Variants in CPQ observed in about 807,000 individuals in gnomAD.
The protein encoded by CPQ is carboxypeptidase Q, also known as Ser-Met dipeptidase.
A neutral mutation model predicts 45.7 loss-of-function variants in CPQ; 37 were observed. That is an observed-to-expected ratio of 0.81 (90% CI 0.62 to 1.07). The LOEUF (loss-of-function observed/expected upper bound fraction) is 1.07. Among genes scored for constraint, CPQ ranks in the 50% least tolerant of loss-of-function variants. The probability of loss-of-function intolerance (pLI) is 0.00; values close to 1 mark genes in which losing one functional copy is unlikely to be tolerated. For missense variants in CPQ, 537 were observed against 572.9 expected, an observed-to-expected ratio of 0.94 and a Z score of 0.64; for synonymous variants, 186 against 205.8, an observed-to-expected ratio of 0.90 and a Z score of 0.82.
chr8:97,104,520 A>C (rs1025679920), intron 7 of CPQ, among the ~76,000 whole-genome samples: 6 of 152,174 alleles, frequency 3.9e-5, no homozygotes, highest in Non-Finnish European at 8.8e-5. Context: ...AATGAACAGA[A>C]ATTCCAGACA....
At chr8:96,803,938 T>C (rs1256906008) in intron 2 of CPQ, among the ~76,000 whole-genome samples, 2 of 152,044 alleles carry the variant, frequency 1.3e-5, no homozygotes, top group African/African-American at 4.8e-5. Flanking sequence ...TGTGCCCAGG[T>C]CAAGGTGATG....
At chr8:97,082,060 G>C (rs533270576) in intron 7 of CPQ, among the ~76,000 whole-genome samples, 1 of 152,316 alleles carries the variant, frequency 6.6e-6, no homozygotes, top group Admixed American at 6.5e-5. Context: ...ACAGTACTAA[G>C]TTACAGAGGT....
chr8:96,921,669 A>G (rs1812809832), intron 4 of CPQ, among the ~76,000 whole-genome samples: 1 of 152,170 alleles, frequency 6.6e-6, no homozygotes, highest in African/African-American at 2.4e-5. Flanking sequence ...ATGATACTAT[A>G]TTGCAGCTTC....
chr8:96,751,721 G>A (rs1297539209), intron 1 of CPQ, among the ~76,000 whole-genome samples: 3 of 152,130 alleles, frequency 2.0e-5, no homozygotes, highest in Non-Finnish European at 4.4e-5. Flanking sequence ...CCATGCCTCT[G>A]TCCTGAATGG....
At chr8:96,744,117 C>A (rs1810139022) in intron 1 of CPQ, among the ~76,000 whole-genome samples, 1 of 152,260 alleles carries the variant, frequency 6.6e-6, no homozygotes, top group South Asian at 2.1e-4. Flanking sequence ...GCTGTGCTAG[C>A]AATCAGCAAG....
intron 3 of CPQ, among the ~76,000 whole-genome samples, chr8:96,858,175 T>C (rs1370382212): frequency 6.6e-6 from 1 of 152,178 alleles, no homozygotes; most frequent in Non-Finnish European, 1.5e-5. Context: ...AAGGGAAATA[T>C]GAAGTCTGGT....
chr8:96,878,217 C>G (rs1812174368), intron 3 of CPQ, among the ~76,000 whole-genome samples: 1 of 152,168 alleles, frequency 6.6e-6, no homozygotes, highest in South Asian at 2.1e-4. Flanking sequence ...CCACCTGCCT[C>G]AGCCTCCCAA....
chr8:96,726,637 C>G (rs769886780), intron 1 of CPQ, among the ~76,000 whole-genome samples: 2 of 152,074 alleles, frequency 1.3e-5, no homozygotes, highest in African/African-American at 2.4e-5. Flanking sequence ...AGGGATAGTG[C>G]TAAACCATTC....
At chr8:96,839,395 A>G (rs955974372) in intron 3 of CPQ, among the ~76,000 whole-genome samples, 2 of 152,110 alleles carry the variant, frequency 1.3e-5, no homozygotes, top group African/African-American at 4.8e-5. Flanking sequence ...TGCTTTTCTA[A>G]TGACACTTCT....
chr8:96,900,661 A>G (rs1812502248), intron 4 of CPQ, among the ~76,000 whole-genome samples: 1 of 152,158 alleles, frequency 6.6e-6, no homozygotes, highest in African/African-American at 2.4e-5. Flanking sequence ...TAAATGATGC[A>G]TAAGTGACAA....
At chr8:97,076,502 G>T (rs187307472) in intron 7 of CPQ, among the ~76,000 whole-genome samples, 3 of 152,224 alleles carry the variant, frequency 2.0e-5, no homozygotes, top group Non-Finnish European at 4.4e-5. Flanking sequence ...TTCAAACAAT[G>T]CAGTTGGCTG....
intron 1 of CPQ, among the ~76,000 whole-genome samples, chr8:96,649,956 G>C (rs1444518820): frequency 6.6e-6 from 1 of 152,198 alleles, no homozygotes; most frequent in Admixed American, 6.5e-5. Flanking sequence ...ATACAGACCA[G>C]AGTCATTCAA....
chr8:96,757,664 A>G (rs1400438674), intron 1 of CPQ, among the ~76,000 whole-genome samples: 2 of 151,590 alleles, frequency 1.3e-5, no homozygotes, highest in African/African-American at 4.8e-5. Flanking sequence ...TTGTGTTCTG[A>G]CCTTGTTTCA....
At chr8:96,773,810 G>A (rs548983427) in intron 1 of CPQ, among the ~76,000 whole-genome samples, 3 of 152,208 alleles carry the variant, frequency 2.0e-5, no homozygotes, top group Admixed American at 2.0e-4. Context: ...CCTTTGGAGG[G>A]GATGAATCCT....
intron 1 of CPQ, among the ~76,000 whole-genome samples, chr8:96,769,961 C>T (rs1193475479): frequency 6.6e-6 from 1 of 152,056 alleles, no homozygotes; most frequent in Non-Finnish European, 1.5e-5. Flanking sequence ...TCCTTTTGAA[C>T]AGTAAGAATT....
At chr8:96,827,842 T>A (rs1352839708) in intron 2 of CPQ, among the ~76,000 whole-genome samples, 1 of 152,122 alleles carries the variant, frequency 6.6e-6, no homozygotes, top group Non-Finnish European at 1.5e-5. Flanking sequence ...AAAGAAATCC[T>A]CTGCTTTAAG....
intron 1 of CPQ, among the ~76,000 whole-genome samples, chr8:96,771,834 C>G (rs1810547271): frequency 6.6e-6 from 1 of 152,034 alleles, no homozygotes; most frequent in South Asian, 2.1e-4. Context: ...GTATCACCTC[C>G]TATATTGCCT....
At chr8:96,857,947 A>G (rs1448500221) in intron 3 of CPQ, among the ~76,000 whole-genome samples, 1 of 152,208 alleles carries the variant, frequency 6.6e-6, no homozygotes, top group Non-Finnish European at 1.5e-5. Flanking sequence ...TCAATGTCTG[A>G]TTGTTTTCTT....
intron 1 of CPQ, among the ~76,000 whole-genome samples, chr8:96,718,612 G>A (rs557367593): frequency 3.3e-5 from 5 of 152,282 alleles, no homozygotes; most frequent in Admixed American, 6.5e-5. Context: ...CTTCCACAGC[G>A]TGGAAGGGGA....
Sources: gnomAD v4.1 joint callset for allele counts (sites outside exome capture counted in the v4.1 genomes callset) on GRCh38, gnomAD v4.1.1 for gene constraint, MANE v1.5 for transcripts, NCBI Gene and HGNC (gene_info 2026-07-23, HGNC 2026-07-21) for gene names.